DTL: variants seen among roughly 807,000 people sequenced by gnomAD.
DTL encodes denticleless E3 ubiquitin protein ligase adapter, also known as denticleless protein homolog.
A neutral mutation model predicts 87.0 loss-of-function variants in DTL; 46 were observed. That is an observed-to-expected ratio of 0.53 (90% confidence interval 0.42 to 0.68). The LOEUF (loss-of-function observed/expected upper bound fraction) is 0.68. Ranked by LOEUF, DTL falls within the 30% of genes least tolerant of loss-of-function variation. The pLI is 0.00. For missense variants in DTL, 737 were observed against 869.4 expected (o/e 0.85, Z 1.91); for synonymous variants, 308 against 311.2 (o/e 0.99, Z 0.11).
At chr1:212,048,563 T>C (rs1667871872) in intron 5 of DTL, among the ~76,000 whole-genome samples, 1 of 152,354 alleles carries the variant, frequency 6.6e-6, no homozygotes, top group East Asian at 1.9e-4. Context: ...ATTGTTATAA[T>C]GGACAAGGAA....
intron 12 of DTL, 138 bp downstream of exon 12, chr1:212,078,400 A>G: frequency 8.3e-6 from 5 of 600,872 alleles, no homozygotes; most frequent in South Asian, 2.1e-5. Flanking sequence ...TCCAGGATCT[A>G]TATTCACATT....
intron 13 of DTL, among the ~76,000 whole-genome samples, chr1:212,096,262 T>C (rs1655448463): frequency 6.6e-6 from 1 of 152,184 alleles, no homozygotes. Flanking sequence ...TTCTCTCTTC[T>C]TTTCTTGGTT....
intron 13 of DTL, among the ~76,000 whole-genome samples, chr1:212,099,886 C>T (rs1329645187): frequency 6.6e-6 from 1 of 152,096 alleles, no homozygotes; most frequent in East Asian, 1.9e-4. Context: ...GCCACTTTCC[C>T]CTTAAATCAG....
intron 1 of DTL, among the ~76,000 whole-genome samples, chr1:212,041,615 C>T (rs1667645977): frequency 6.6e-6 from 1 of 152,182 alleles, no homozygotes; most frequent in East Asian, 1.9e-4. Context: ...ACTCTATTCT[C>T]CTGCCTCAGC....
chr1:212,084,476 G>A (rs1039781884), intron 13 of DTL, among the ~76,000 whole-genome samples: 6 of 151,992 alleles, frequency 3.9e-5, no homozygotes, highest in Admixed American at 3.9e-4. Flanking sequence ...GTGAGCCACC[G>A]TGCCCAGCCC....
At chr1:212,081,649 A>G (rs140038647) in intron 13 of DTL, among the ~76,000 whole-genome samples, 16 of 152,364 alleles carry the variant, frequency 1.1e-4, no homozygotes, top group East Asian at 9.6e-4. Context: ...AGCAGAAGCT[A>G]TGGTGAGAAG....
intron 14 of DTL, among the ~76,000 whole-genome samples, chr1:212,101,745 T>C (rs1361390552): frequency 6.6e-6 from 1 of 152,234 alleles, no homozygotes; most frequent in Non-Finnish European, 1.5e-5. Flanking sequence ...TTAGGACTCA[T>C]TTCATTGACT....
chr1:212,061,675 A>C (rs1240480768), intron 5 of DTL, among the ~76,000 whole-genome samples: 1 of 152,230 alleles, frequency 6.6e-6, no homozygotes, highest in Non-Finnish European at 1.5e-5. Context: ...GTTTTTAAAA[A>C]TGTAGTATAT....
chr1:212,101,023 G>A lies in DTL; in HGVS notation c.2033G>A (p.Arg678Gln), dbSNP rs766296682. 41 of 1,613,880 alleles carry A rather than the reference G, an allele frequency of 2.5e-5. No individual in the cohort carries two copies. In the Middle Eastern group the frequency reaches 6.6e-4, roughly 26 times the overall value. Reference protein sequence around the residue: ...AKRKAENPSPRSPSSQTPNSR... With the variant: ...AKRKAENPSPQSPSSQTPNSR... Reference sequence around the variant, plus strand: ...CGGAAGGCTGAGAATCCATCTCCACGAAGTCCGTCATCCCAGACACCCAAT... The same window carrying A: ...CGGAAGGCTGAGAATCCATCTCCACAAAGTCCGTCATCCCAGACACCCAAT... Residue 678 changes from arginine (R) to glutamine (Q), a missense_variant, in exon 14 of 15, where the codon CGA becomes CAA. Coordinates refer to ENST00000366991, the MANE Select transcript of DTL (RefSeq NM_016448.4).
chr1:212,037,352 G>C (rs1667511680), intron 1 of DTL, among the ~76,000 whole-genome samples: 1 of 152,044 alleles, frequency 6.6e-6, no homozygotes, highest in African/African-American at 2.4e-5. Context: ...TTCCTCTTCA[G>C]TGTTGGTGTT....
rs1178659618 is a variant in DTL, at chr1:212,080,682, C to G, written c.1193C>G (p.Pro398Arg). The G allele has an allele frequency of 6.2e-7, 1 of 1,613,560 alleles. No homozygotes were observed. The highest frequency in any genetic ancestry group is 1.1e-5 in the South Asian group (1 of 91,060). Reference protein sequence around the residue: ...WRLNRGLEEKPGGDKLSTVGW... With the variant: ...WRLNRGLEEKRGGDKLSTVGW... ...TTGAATAGAGGCTTAGAGGAGAAAC[C>G]AGGAGGTGATAAACTTTCCACGGTG... Residue 398 changes from proline (P) to arginine (R), a missense_variant, in exon 13 of 15, where the codon CCA (proline) becomes CGA (arginine). Physicochemically the swap from Pro to Arg is moderately radical, Grantham distance 103 (BLOSUM62 -2). Transcript: ENST00000366991.
intron 1 of DTL, among the ~76,000 whole-genome samples, chr1:212,042,184 T>G (rs1667673732): frequency 6.6e-6 from 1 of 151,578 alleles, no homozygotes; most frequent in African/African-American, 2.4e-5. Context: ...TAAAATGTCT[T>G]GATCACAAAT....
intron 2 of DTL, among the ~76,000 whole-genome samples, chr1:212,044,351 T>A (rs548552734): frequency 6.6e-6 from 1 of 152,334 alleles, no homozygotes; most frequent in Admixed American, 6.5e-5. Flanking sequence ...ACGCCTGTAA[T>A]CCCAGCACTT....
intron 13 of DTL, among the ~76,000 whole-genome samples, chr1:212,096,261 CT>C (rs1230846940): frequency 4.6e-5 from 7 of 152,076 alleles, no homozygotes; most frequent in African/African-American, 1.7e-4. Flanking sequence ...CTTCTCTCTT[CT>C]TTTCTTGGTT....
At chr1:212,097,616 G>A (rs192296502) in intron 13 of DTL, among the ~76,000 whole-genome samples, 9 of 151,428 alleles carry the variant, frequency 5.9e-5, no homozygotes, top group East Asian at 5.8e-4. Context: ...GATTTTTTTC[G>A]TCTACATCCT....
intron 7 of DTL, among the ~76,000 whole-genome samples, 175 bp from the exon 8 acceptor site, chr1:212,066,637 T>G (rs1376047089): frequency 3.3e-5 from 5 of 152,218 alleles, no homozygotes; most frequent in Non-Finnish European, 5.9e-5. Context: ...TACTAAAACT[T>G]AATGATCCTT....
At chr1:212,080,879 C>T (rs1205450707) in intron 13 of DTL, 129 bp downstream of exon 13, 1 of 985,198 alleles carries the variant, frequency 1.0e-6, no homozygotes, top group Non-Finnish European at 1.5e-6. Context: ...TCTTGCCATT[C>T]ATTCTTTTTG....
intron 14 of DTL, among the ~76,000 whole-genome samples, chr1:212,101,954 T>G (rs1234949402): frequency 6.6e-6 from 1 of 152,202 alleles, no homozygotes; most frequent in Non-Finnish European, 1.5e-5. Flanking sequence ...TAAGGAAGTT[T>G]CCACTGTACT....
rs1655584191 is a variant in DTL at position 212,100,440 on chromosome 1, G to A, written c.1450G>A (p.Gly484Ser). 2 of 1,613,776 alleles carry A rather than the reference G, an allele frequency of 1.2e-6. No homozygotes were observed. The highest frequency in any genetic ancestry group is 1.7e-6 in the Non-Finnish European group (2 of 1,179,962). ...GGCCCGGTCTCCCATCAACAGAAGA[G>A]GCTCTGTCTCCTCCGTCTCTCCCAA... ...AKARSPINRR[G>S]SVSSVSPKPP... The change falls in exon 14 of 15, where the codon GGC becomes AGC. Residue 484 changes from glycine (G) to serine (S), a missense_variant. Gly to Ser is a moderately conservative substitution (Grantham distance 56). Transcript: ENST00000366991.
Sources: allele counts gnomAD v4.1 joint callset (sites outside exome capture counted in the v4.1 genomes callset), GRCh38; gene constraint gnomAD v4.1.1; transcripts MANE v1.5; gene names NCBI Gene and HGNC (gene_info 2026-07-23, HGNC 2026-07-21).